The following CYP2C19 variants were observed in gnomAD, a reference collection of about 807,000 sequenced individuals.
CYP2C19 encodes cytochrome P450 family 2 subfamily C member 19.
Under a neutral mutation model 40.9 loss-of-function variants are expected in CYP2C19, and 59 were observed. That is an observed-to-expected ratio of 1.44 (90% CI 1.17 to 1.79). CYP2C19 has a LOEUF of 1.79. Ranked by LOEUF, CYP2C19 falls within the 40% of genes most tolerant of loss-of-function variation. The pLI is 0.00. For missense variants in CYP2C19, 754 were observed against 596.9 expected (o/e 1.26, Z -2.74); for synonymous variants, 253 against 208.7 (o/e 1.21, Z -1.83).
In CYP2C19 at chr10:94,820,529, G is replaced by T. The variant is rs141533135; in HGVS notation, c.853G>T (p.Glu285Ter). Reference sequence around the variant, plus strand: ...AAACCAACAGTCTGAATTCACTATTGAAAACTTGGTAATCACTGCAGCTGA... The same window carrying T: ...AAACCAACAGTCTGAATTCACTATTTAAAACTTGGTAATCACTGCAGCTGA... ...KQNQQSEFTIENLVITAADLL... is the reference protein window; with the variant it reads ...KQNQQSEFTI The change falls in exon 6 of 9, where the codon GAA (glutamate) becomes TAA (stop). Residue 285 changes from glutamate (E) to a stop codon, truncating the protein, a stop_gained. Transcript: ENST00000371321. LOFTEE classifies it high-confidence loss of function. 1.9e-6 allele frequency: 3 copies of T among 1,614,046 alleles called. No individual in the cohort carries two copies. The highest frequency in any genetic ancestry group is 2.5e-6 in the Non-Finnish European group (3 of 1,180,042).
intron 5 of CYP2C19, among the ~76,000 whole-genome samples, chr10:94,791,480 C>T (rs977234104): frequency 6.6e-6 from 1 of 152,100 alleles, no homozygotes. Context: ...TTAGACCTTT[C>T]CTGCTTTCTC....
chr10:94,836,988 G>T (rs1849414749), intron 6 of CYP2C19, among the ~76,000 whole-genome samples: 1 of 152,146 alleles, frequency 6.6e-6, no homozygotes, highest in Non-Finnish European at 1.5e-5. Flanking sequence ...TGAGATGTTG[G>T]GTTTCAAAGA....
chr10:94,781,842 A>G lies in CYP2C19; in HGVS notation c.664A>G (p.Ile222Val). 2.1e-6 allele frequency: 3 copies of G among 1,462,724 alleles called. No homozygotes were observed. Among genetic ancestry groups the G allele is most frequent in the African/African-American group, 1.5e-5 (1 of 67,406 alleles). 90.6% of individuals were successfully genotyped at this position (1,462,724 alleles called of 1,614,324 possible). ...TTAGATATGCAATAATTTTCCCACT[A>G]TCATTGATTATTTCCCGGGAACCCA... ...WIQICNNFPT[I>V]IDYFPGTHNK... The change falls in exon 5 of 9, where the codon ATC becomes GTC. Residue 222 changes from isoleucine (I) to valine (V), a missense_variant. Coordinates refer to ENST00000371321, the MANE Select transcript of CYP2C19 (RefSeq NM_000769.4).
At chr10:94,821,764 C>G (rs1353377545) in intron 6 of CYP2C19, among the ~76,000 whole-genome samples, 1 of 151,990 alleles carries the variant, frequency 6.6e-6, no homozygotes, top group African/African-American at 2.4e-5. Context: ...TGAACAATTA[C>G]TAACCTATAA....
rs1338107199 is a variant in CYP2C19 at position 94,853,245 on chromosome 10, CATT to C, written c.*338_*340del. On this transcript the variant is annotated 3_prime_UTR_variant, in exon 9 of 9. Coordinates refer to ENST00000371321, the MANE Select transcript of CYP2C19 (RefSeq NM_000769.4). ...TTCTCTGCATGTTCTAAACAAAAAGCATTATTATTTGCTGAGTCAGGTTATTAG... is the reference window on the plus strand; with the variant it reads ...TTCTCTGCATGTTCTAAACAAAAAGCATTATTTGCTGAGTCAGGTTATTAG... The C allele has an allele frequency of 1.1e-5, 4 of 367,104 alleles. No individual in the cohort carries two copies. The East Asian group carries it at 3.2e-4, about 29-fold the overall frequency. 22.7% of individuals were successfully genotyped at this position (367,104 alleles called of 1,614,324 possible).
intron 5 of CYP2C19, among the ~76,000 whole-genome samples, chr10:94,797,854 T>C (rs1564668305): frequency 2.0e-5 from 3 of 152,132 alleles, no homozygotes; most frequent in Non-Finnish European, 4.4e-5. Context: ...TATCATTTTT[T>C]ATTACATCTA....
At chr10:94,827,611 C>T (rs1344608839) in intron 6 of CYP2C19, among the ~76,000 whole-genome samples, 1 of 152,150 alleles carries the variant, frequency 6.6e-6, no homozygotes, top group African/African-American at 2.4e-5. Flanking sequence ...TTCAAAAAAA[C>T]CAGCTCCTGG....
intron 5 of CYP2C19, among the ~76,000 whole-genome samples, chr10:94,816,898 G>C (rs1038270407): frequency 6.9e-6 from 1 of 145,978 alleles, no homozygotes; most frequent in Non-Finnish European, 1.5e-5. Flanking sequence ...TCCCTACAAA[G>C]GATATGAACT....
At position 94,855,379 on chromosome 10, in the gene CYP2C19, T is replaced by G. The variant is rs1177453501; in HGVS notation, c.*2465T>G. Among the ~76,000 whole-genome samples, 1 of 152,234 alleles carries G rather than the reference T, an allele frequency of 6.6e-6. No individual in the cohort carries two copies. Among genetic ancestry groups the G allele is most frequent in the Non-Finnish European group, 1.5e-5 (1 of 68,034 alleles). On this transcript the variant is annotated 3_prime_UTR_variant, in exon 9 of 9. Coordinates refer to ENST00000371321, the MANE Select transcript of CYP2C19 (RefSeq NM_000769.4). ...GGACAAGGGCAATCTGACTGGAAAG[T>G]AGAAGTTGCTAACAACTTTGCTAAT...
intron 5 of CYP2C19, among the ~76,000 whole-genome samples, chr10:94,798,814 A>ATTTTTTTTT (rs61240923): frequency 1.2e-4 from 8 of 67,694 alleles, no homozygotes; most frequent in East Asian, 4.4e-4. Context: ...GCAACCCCTG[A>ATTTTTTTTT]TTTTTTTTTT....
At chr10:94,820,757 C>G in intron 6 of CYP2C19, 120 bp downstream of exon 6, 3 of 1,255,518 alleles carry the variant, frequency 2.4e-6, no homozygotes, top group Non-Finnish European at 3.4e-6. Context: ...GTGCCCGCAG[C>G]TGTAATCTGT....
At chr10:94,764,776 A>G (rs558216454) in intron 1 of CYP2C19, among the ~76,000 whole-genome samples, 1 of 152,266 alleles carries the variant, frequency 6.6e-6, no homozygotes, top group South Asian at 2.1e-4. Context: ...TAGAGGAAAC[A>G]AATTTGACAA....
At chr10:94,818,803 G>T (rs1849059458) in intron 5 of CYP2C19, among the ~76,000 whole-genome samples, 3 of 150,578 alleles carry the variant, frequency 2.0e-5, no homozygotes, top group Admixed American at 6.6e-5. Flanking sequence ...GAGACGATGG[G>T]GTTTTCTAGA....
intron 1 of CYP2C19, chr10:94,774,672 A>G (rs1848382340): frequency 4.8e-6 from 1 of 210,350 alleles, no homozygotes; most frequent in African/African-American, 2.4e-5. Flanking sequence ...GTGCTGATAA[A>G]TTTCTCAAGC....
chr10:94,829,162 G>A (rs1421745104), intron 6 of CYP2C19, among the ~76,000 whole-genome samples: 1 of 152,120 alleles, frequency 6.6e-6, no homozygotes, highest in Non-Finnish European at 1.5e-5. Flanking sequence ...TCTTCTTGAG[G>A]AGTATCTTTG....
At chr10:94,790,269 T>C (rs1186159175) in intron 5 of CYP2C19, among the ~76,000 whole-genome samples, 10 of 152,172 alleles carry the variant, frequency 6.6e-5, no homozygotes, top group Admixed American at 6.5e-4. Flanking sequence ...ATTTCCTAAA[T>C]ATAAAATCAT....
intron 5 of CYP2C19, among the ~76,000 whole-genome samples, chr10:94,791,521 C>T (rs1191888137): frequency 1.3e-5 from 2 of 152,144 alleles, no homozygotes; most frequent in African/African-American, 4.8e-5. Context: ...AAATTTCCAT[C>T]TACACACTGC....
At position 94,816,864 on chromosome 10, in the gene CYP2C19, T is replaced by A. The variant is rs1051728352; in HGVS notation, c.820-3632T>A. On this transcript the variant is annotated intron_variant, in intron 5 of 8. Transcript: ENST00000371321. ...TGTTCTTGTGATAGTTTACTGAGAA[T>A]GATGATTTCCAATTTCATCCATGTC... 3.3e-5 allele frequency among the ~76,000 whole-genome samples: 5 copies of A among 149,652 alleles called. No individual in the cohort carries two copies. In the Admixed American group the frequency reaches 3.3e-4, roughly 10 times the overall value.
chr10:94,776,737 G>GAGCA (rs1848412438), intron 3 of CYP2C19, among the ~76,000 whole-genome samples: 1 of 152,106 alleles, frequency 6.6e-6, no homozygotes, highest in Admixed American at 6.6e-5. Context: ...TTGAAAACCA[G>GAGCA]AGCAAGACAA....
Sources: allele counts gnomAD v4.1 joint callset (sites outside exome capture counted in the v4.1 genomes callset), GRCh38; gene constraint gnomAD v4.1.1; transcripts MANE v1.5; gene names NCBI Gene and HGNC (gene_info 2026-07-23, HGNC 2026-07-21).